USP46: variants seen among roughly 807,000 people sequenced by gnomAD.
The protein encoded by USP46 is ubiquitin carboxyl-terminal hydrolase 46.
A neutral mutation model predicts 44.4 loss-of-function variants in USP46; 12 were observed. That is an observed-to-expected ratio of 0.27 (90% CI 0.17 to 0.44). The LOEUF is 0.44. Among genes scored for constraint, USP46 ranks in the 20% least tolerant of loss-of-function variants. The pLI, the probability that USP46 is intolerant of heterozygous loss-of-function variation, is 1.00. For missense variants in USP46, 248 were observed against 444.8 expected (o/e 0.56, Z 3.98); for synonymous variants, 155 against 161.5 (o/e 0.96, Z 0.31).
chr4:52,650,673 G>T (rs576846839), intron 1 of USP46, among the ~76,000 whole-genome samples: 1 of 152,086 alleles, frequency 6.6e-6, no homozygotes, highest in African/African-American at 2.4e-5. Context: ...GTATGTTAAT[G>T]TTTTGTGATT....
At chr4:52,612,081 T>A (rs1368502835) in intron 4 of USP46, among the ~76,000 whole-genome samples, 1 of 152,176 alleles carries the variant, frequency 6.6e-6, no homozygotes, top group Non-Finnish European at 1.5e-5. Context: ...GGAAATAAGA[T>A]AATACATGTG....
chr4:52,645,105 A>G (rs1468829707), intron 1 of USP46, among the ~76,000 whole-genome samples: 2 of 151,914 alleles, frequency 1.3e-5, no homozygotes, highest in East Asian at 1.9e-4. Context: ...TGCACCTATA[A>G]TCCCATGTAC....
intron 5 of USP46, among the ~76,000 whole-genome samples, chr4:52,605,211 C>A (rs546093067): frequency 1.3e-5 from 2 of 152,344 alleles, no homozygotes; most frequent in African/African-American, 4.8e-5. Context: ...CTCCCCACTG[C>A]TCCCCCGCCG....
At chr4:52,654,697 C>G (rs1385273012) in intron 1 of USP46, among the ~76,000 whole-genome samples, 2 of 152,088 alleles carry the variant, frequency 1.3e-5, no homozygotes, top group African/African-American at 4.8e-5. Flanking sequence ...CCCAGCCTAC[C>G]TCATTTATTT....
Position 52,610,297 on chromosome 4 carries a change from G to C in USP46, c.638+244C>G, listed in dbSNP as rs184918750. Among the ~76,000 whole-genome samples, 4 of 152,204 alleles carry C rather than the reference G, an allele frequency of 2.6e-5. No individual in the cohort carries two copies. In the East Asian group the frequency reaches 7.7e-4, roughly 29 times the overall value. ...CAATCACTTAACACTTTACCTGGCT[G>C]ATCTCAAATCTACAGCCACTGCCAC... On this transcript the variant is annotated intron_variant, in intron 5 of 8. Coordinates refer to ENST00000441222, the MANE Select transcript of USP46 (RefSeq NM_022832.4).
At chr4:52,598,564 C>T (rs756626999) in intron 8 of USP46, 64 bp downstream of exon 8, 60 of 1,447,572 alleles carry the variant, frequency 4.1e-5, no homozygotes, top group Non-Finnish European at 5.6e-5. Flanking sequence ...AATGTCTATA[C>T]ATACACATTC....
intron 1 of USP46, among the ~76,000 whole-genome samples, chr4:52,635,370 A>G (rs1450767322): frequency 2.6e-5 from 4 of 152,206 alleles, no homozygotes; most frequent in Non-Finnish European, 5.9e-5. Flanking sequence ...AAAAAGGTCA[A>G]ACAACCAAGC....
chr4:52,656,493 C>G, intron 1 of USP46: 1 of 1,451,028 alleles, frequency 6.9e-7, no homozygotes. Context: ...CTCCAGCCTT[C>G]CTATACATGG....
intron 5 of USP46, among the ~76,000 whole-genome samples, chr4:52,609,894 A>ATTTT (rs1423146190): frequency 4.8e-4 from 10 of 20,688 alleles, no homozygotes; most frequent in Admixed American, 2.1e-3. Flanking sequence ...CCTCAATTCT[A>ATTTT]TTTCTTTTTT....
chr4:52,599,796 C>T (rs1257028147), intron 7 of USP46, among the ~76,000 whole-genome samples: 1 of 152,148 alleles, frequency 6.6e-6, no homozygotes, highest in Non-Finnish European at 1.5e-5. Context: ...ATGATCTGTT[C>T]CTGCCCTTTC....
chr4:52,613,434 CAG>C (rs1233712023), intron 4 of USP46, among the ~76,000 whole-genome samples: 1 of 152,086 alleles, frequency 6.6e-6, no homozygotes, highest in Non-Finnish European at 1.5e-5. Flanking sequence ...AGAAAACTAA[CAG>C]AATCCGGCCG....
At chr4:52,628,319 T>C (rs1006560720) in intron 2 of USP46, 156 bp from the exon 3 acceptor site, 2 of 640,840 alleles carry the variant, frequency 3.1e-6, no homozygotes, top group African/African-American at 1.8e-5. Context: ...AGTTAACTAC[T>C]CTAAACACCA....
In USP46 at chr4:52,595,743, T is replaced by C. The variant is rs538595204; in HGVS notation, c.*1897A>G. On this transcript the variant is annotated 3_prime_UTR_variant, in exon 9 of 9. Coordinates refer to ENST00000441222, the MANE Select transcript of USP46 (RefSeq NM_022832.4). ...TTCTTATGAATCAGTTCCAAATATA[T>C]TAGAGACCAACCATCATGTTCTTAA... is the stretch of plus-strand genomic sequence containing the variant. 5.3e-5 allele frequency: 8 copies of C among 152,312 alleles called. No homozygotes were observed. The highest frequency in any genetic ancestry group is 8.8e-5 in the Non-Finnish European group (6 of 68,030). The allele number at this position is 152,312 out of a possible 1,614,324, so 9.4% of individuals were successfully genotyped here.
chr4:52,632,985 A>AAAGAAAGAAAG lies in USP46; in HGVS notation c.37-1842_37-1841insCTTTCTTTCTT, dbSNP rs1553891297. On this transcript the variant is annotated intron_variant, in intron 1 of 8. Transcript: ENST00000441222. ...GAAAGAAAGAAAGAAAGAAAGAAAGAAAAGAAAAGAAAGAAAGAAAGAAAG... is the reference window on the plus strand; with the variant it reads ...GAAAGAAAGAAAGAAAGAAAGAAAGAAAGAAAGAAAGAAAGAAAAGAAAGAAAGAAAGAAAG... Among the ~76,000 whole-genome samples, 457 of 52,874 alleles carry AAAGAAAGAAAG rather than the reference A, an allele frequency of 8.6e-3. 1 individual carries two copies. The highest frequency in any genetic ancestry group is 0.021 in the South Asian group (28 of 1,322). 34.7% of individuals were successfully genotyped at this position (52,874 alleles called of 152,430 possible).
chr4:52,620,773 A>G (rs868522509), intron 4 of USP46, among the ~76,000 whole-genome samples: 6 of 152,262 alleles, frequency 3.9e-5, no homozygotes, highest in African/African-American at 1.4e-4. Flanking sequence ...CCTGATGTGC[A>G]CATCCTAGAG....
At chr4:52,636,705 CAAA>C (rs1182691689) in intron 1 of USP46, among the ~76,000 whole-genome samples, 2 of 36,168 alleles carry the variant, frequency 5.5e-5, no homozygotes, top group African/African-American at 2.1e-4. Context: ...GACTCTGTCT[CAAA>C]AAAAAAAAAA....
At chr4:52,631,857 T>A (rs989535233) in intron 1 of USP46, among the ~76,000 whole-genome samples, 4 of 151,930 alleles carry the variant, frequency 2.6e-5, no homozygotes, top group African/African-American at 4.8e-5. Flanking sequence ...AATACAAAAA[T>A]TAGCCAGGTG....
chr4:52,616,076 T>G (rs1203082892), intron 4 of USP46, among the ~76,000 whole-genome samples: 1 of 152,214 alleles, frequency 6.6e-6, no homozygotes, highest in Non-Finnish European at 1.5e-5. Flanking sequence ...AATTATAGAA[T>G]GCCACACCCA....
chr4:52,629,343 A>T (rs1294978426), intron 2 of USP46, among the ~76,000 whole-genome samples: 3 of 152,214 alleles, frequency 2.0e-5, no homozygotes, highest in Non-Finnish European at 2.9e-5. Context: ...AGGGAACATA[A>T]ATGAAGCTAT....
Sources: allele counts gnomAD v4.1 joint callset (sites outside exome capture counted in the v4.1 genomes callset), GRCh38; gene constraint gnomAD v4.1.1; transcripts MANE v1.5; gene names NCBI Gene and HGNC (gene_info 2026-07-23, HGNC 2026-07-21).